Variants in CFAP251 observed in about 807,000 individuals in gnomAD.
CFAP251 encodes the protein cilia and flagella associated protein 251, also known as cilia- and flagella-associated protein 251.
In CFAP251, 93 loss-of-function variants were observed where a neutral mutation model predicts 126.7. The observed-to-expected ratio is 0.73, with a 90% CI of 0.62 to 0.87. The LOEUF (loss-of-function observed/expected upper bound fraction) is 0.87, where lower values mean the gene tolerates loss of function less well. CFAP251 is among the 40% of genes least tolerant of loss of function. The pLI is 0.00. For missense variants in CFAP251, 1,287 were observed against 1,389.2 expected, an observed-to-expected ratio of 0.93 and a Z score of 1.17; for synonymous variants, 503 against 506.9, an observed-to-expected ratio of 0.99 and a Z score of 0.10.
At position 121,999,934 on chromosome 12, in the gene CFAP251, C is replaced by G; in HGVS notation, c.3225C>G (p.Leu1075=). 6.2e-7 allele frequency: 1 copy of G among 1,612,676 alleles called. No homozygotes were observed. Among genetic ancestry groups the G allele is most frequent in the Non-Finnish European group, 8.5e-7 (1 of 1,178,860 alleles). The change falls in exon 20 of 22, where the codon CTC becomes CTG. Residue 1075 remains leucine (L), a synonymous_variant. Transcript: ENST00000288912. ...AIRREDFLRL[L]VTKGEHMTEE... is the part of the protein sequence containing the mutation. ...GAAGAGAGGACTTCCTGAGACTGCT[C>G]GTTACTAAAGGTAAGCACATACATC...
chr12:121,942,458 C>A, intron 5 of CFAP251, 76 bp from the exon 6 acceptor site: 2 of 1,032,844 alleles, frequency 1.9e-6, no homozygotes, highest in Non-Finnish European at 1.5e-6. Flanking sequence ...TTGGGCTGAG[C>A]TCAGACCTGC....
At chr12:121,924,604 G>C (rs1403294828) in intron 3 of CFAP251, among the ~76,000 whole-genome samples, 4 of 151,364 alleles carry the variant, frequency 2.6e-5, no homozygotes, top group Non-Finnish European at 4.4e-5. Context: ...GGCTTTTTTT[G>C]TATTTTTAGT....
At chr12:121,938,812 G>T (rs942602392) in intron 5 of CFAP251, among the ~76,000 whole-genome samples, 1 of 150,716 alleles carries the variant, frequency 6.6e-6, no homozygotes, top group Non-Finnish European at 1.5e-5. Flanking sequence ...GTGAAACCCC[G>T]TCTCTACAAA....
chr12:121,959,356 C>A, intron 13 of CFAP251: 1 of 352,216 alleles, frequency 2.8e-6, no homozygotes, highest in Non-Finnish European at 5.1e-6. Context: ...CGGGAGGACC[C>A]CTGCGGGCCA....
intron 19 of CFAP251, 31 bp from the exon 20 acceptor site, chr12:121,999,685 G>T: frequency 6.5e-7 from 1 of 1,540,500 alleles, no homozygotes; most frequent in South Asian, 1.2e-5. Context: ...TATTTACTGT[G>T]GTCTTTTTTT....
chr12:121,954,655 A>AAAC (rs1881659327), intron 10 of CFAP251, among the ~76,000 whole-genome samples: 1 of 149,388 alleles, frequency 6.7e-6, no homozygotes, highest in African/African-American at 2.4e-5. Flanking sequence ...AAAAAAAAAA[A>AAAC]AAAAAAAAAA....
chr12:121,969,558 TC>T, intron 17 of CFAP251: 1 of 912,934 alleles, frequency 1.1e-6, no homozygotes, highest in Non-Finnish European at 1.3e-6. Context: ...TGATCATGGC[TC>T]ACTGCAGCCT....
chr12:121,966,257 C>CCCT (rs1184034646), intron 15 of CFAP251, among the ~76,000 whole-genome samples: 1 of 49,988 alleles, frequency 2.0e-5, no homozygotes, highest in Non-Finnish European at 4.0e-5. Context: ...CCCTCCCCCT[C>CCCT]CCCCTCCCCT....
intron 17 of CFAP251, chr12:121,971,670 C>T (rs1882331504): frequency 2.8e-6 from 2 of 701,796 alleles, no homozygotes; most frequent in Admixed American, 4.0e-5. Context: ...CTGGGATTCA[C>T]AGCCAGGGCT....
intron 5 of CFAP251, among the ~76,000 whole-genome samples, chr12:121,939,828 G>A (rs1409559091): frequency 7.2e-5 from 11 of 152,064 alleles, no homozygotes; most frequent in Admixed American, 7.2e-4. Flanking sequence ...TATAAATCTA[G>A]CATATTTTTG....
intron 16 of CFAP251, among the ~76,000 whole-genome samples, chr12:121,967,426 G>A (rs1352647303): frequency 6.6e-6 from 1 of 152,200 alleles, no homozygotes; most frequent in Non-Finnish European, 1.5e-5. Flanking sequence ...AGTCGGGCCA[G>A]GTGAGGTGGC....
intron 15 of CFAP251, 86 bp from the exon 16 acceptor site, chr12:121,966,869 C>A (rs1054700351): frequency 3.2e-6 from 4 of 1,233,134 alleles, no homozygotes; most frequent in East Asian, 4.7e-5. Flanking sequence ...CAGGTGTGAG[C>A]CACTGCGCCT....
intron 17 of CFAP251, chr12:121,969,489 TTTG>T (rs894989526): frequency 3.0e-6 from 3 of 985,118 alleles, no homozygotes; most frequent in South Asian, 4.7e-5. Context: ...TTCCCTTCTA[TTTG>T]TTGTTGTTGT....
intron 19 of CFAP251, among the ~76,000 whole-genome samples, chr12:121,992,820 C>T (rs1183003823): frequency 6.6e-6 from 1 of 152,184 alleles, no homozygotes; most frequent in Non-Finnish European, 1.5e-5. Flanking sequence ...TCTACCCACT[C>T]CAGCCTCCTA....
chr12:121,986,359 A>G (rs557154225), intron 19 of CFAP251, among the ~76,000 whole-genome samples: 39 of 145,424 alleles, frequency 2.7e-4, no homozygotes, highest in Non-Finnish European at 5.8e-4. Context: ...GCGCAGTGGC[A>G]CGATCTCAGC....
intron 19 of CFAP251, chr12:121,997,713 TTGTGC>T (rs1345044850): frequency 1.3e-5 from 2 of 152,026 alleles, no homozygotes; most frequent in African/African-American, 4.8e-5. Flanking sequence ...ATTATAATTA[TTGTGC>T]TGTTCACTGC....
intron 2 of CFAP251, among the ~76,000 whole-genome samples, chr12:121,922,080 C>A (rs1565900130): frequency 6.7e-6 from 1 of 149,812 alleles, no homozygotes; most frequent in Non-Finnish European, 1.5e-5. Context: ...CAGGCACACG[C>A]CACCACGCCC....
At chr12:121,985,203 A>C (rs1882716660) in intron 19 of CFAP251, among the ~76,000 whole-genome samples, 1 of 152,180 alleles carries the variant, frequency 6.6e-6, no homozygotes, top group South Asian at 2.1e-4. Flanking sequence ...TAACTTTAAA[A>C]ATGTATATAT....
In CFAP251 at chr12:121,962,161, A is replaced by G. The variant is rs773042686; in HGVS notation, c.2491A>G (p.Arg831Gly). 3 of 1,612,742 alleles carry G rather than the reference A, an allele frequency of 1.9e-6. No individual in the cohort carries two copies. In the Admixed American group the frequency reaches 5.0e-5, roughly 27 times the overall value. ...TTTTAATGCTACTACCAAAATGTGC[A>G]GGTAAGCACCCGGAGCTTCCCATTG... is the stretch of plus-strand genomic sequence containing the variant. ...KLFNATTKMC[R>G]KTLLGPAYGS... The change falls in exon 15 of 22, where the codon AGA becomes GGA. Residue 831 changes from arginine (R) to glycine (G), a missense_variant and splice_region_variant. By Grantham distance (125) the Arg-to-Gly change is moderately radical. Coordinates refer to ENST00000288912, the MANE Select transcript of CFAP251 (RefSeq NM_144668.6).
Sources: allele counts gnomAD v4.1 joint callset (sites outside exome capture counted in the v4.1 genomes callset), GRCh38; gene constraint gnomAD v4.1.1; transcripts MANE v1.5; gene names NCBI Gene and HGNC (gene_info 2026-07-23, HGNC 2026-07-21).